The following CALN1 variants were observed in gnomAD, a reference collection of about 807,000 sequenced individuals.
CALN1 encodes the protein calcium-binding protein 8.
CALN1 carries 17 observed loss-of-function variants against 30.6 expected under a neutral mutation model. The observed-to-expected ratio is 0.56, with a 90% CI of 0.38 to 0.83. CALN1 has a LOEUF of 0.83. Ranked by LOEUF, CALN1 falls within the 40% of genes least tolerant of loss-of-function variation. CALN1 has a pLI of 0.00. For missense variants in CALN1, 291 were observed against 354.9 expected (o/e 0.82, Z 1.45); for synonymous variants, 156 against 131.4 (o/e 1.19, Z -1.28).
intron 2 of CALN1, among the ~76,000 whole-genome samples, chr7:72,372,959 T>A (rs769374518): frequency 2.6e-5 from 4 of 151,936 alleles, no homozygotes; most frequent in Non-Finnish European, 4.4e-5. Flanking sequence ...TGGCAAATTA[T>A]CTGGCAAAAA....
At chr7:72,000,113 A>G (rs769778066) in intron 5 of CALN1, among the ~76,000 whole-genome samples, 1 of 152,144 alleles carries the variant, frequency 6.6e-6, no homozygotes, top group Non-Finnish European at 1.5e-5. Flanking sequence ...TATCTCAAGA[A>G]ACTAAAAAAA....
intron 4 of CALN1, among the ~76,000 whole-genome samples, chr7:72,076,324 T>C (rs372499041): frequency 6.8e-6 from 1 of 147,442 alleles, no homozygotes; most frequent in African/African-American, 2.5e-5. Context: ...GCAGGCCAGG[T>C]GCGGTGGCTC....
intron 2 of CALN1, among the ~76,000 whole-genome samples, chr7:72,393,741 GC>G (rs1562943862): frequency 1.7e-5 from 2 of 115,046 alleles, no homozygotes; most frequent in East Asian, 2.7e-4. Context: ...TGACCATAGA[GC>G]TTTTTTTTTT....
chr7:71,828,005 T>C (rs946854739), intron 5 of CALN1, among the ~76,000 whole-genome samples: 1 of 152,050 alleles, frequency 6.6e-6, no homozygotes, highest in African/African-American at 2.4e-5. Context: ...GTTTCCACAA[T>C]GAATATGTAT....
chr7:72,303,042 T>C (rs780482374), intron 2 of CALN1, among the ~76,000 whole-genome samples: 1 of 150,736 alleles, frequency 6.6e-6, no homozygotes, highest in Admixed American at 6.6e-5. Context: ...GATGGTGCCA[T>C]TGCACTCTAA....
At chr7:72,220,814 T>G (rs1477978306) in intron 3 of CALN1, among the ~76,000 whole-genome samples, 4 of 152,250 alleles carry the variant, frequency 2.6e-5, no homozygotes, top group Non-Finnish European at 5.9e-5. Context: ...CATTTTTTCA[T>G]GTGTTTTTTG....
At chr7:72,291,905 C>T (rs543756686) in intron 2 of CALN1, among the ~76,000 whole-genome samples, 230 of 152,100 alleles carry the variant, frequency 1.5e-3, no homozygotes, top group Non-Finnish European at 2.7e-3. Context: ...AGCCACCGAG[C>T]CTGACCATAT....
rs556505029 is a variant in CALN1, at chr7:71,852,900, GGATT to G, written c.502-42412_502-42409del. On this transcript the variant is annotated intron_variant, in intron 5 of 6. Transcript: ENST00000395275. ...CTAGATGTTGAGCACAACCTTTACAGGATTGTTTGTCTTTTACAGTATTGAGTTG... is the reference window on the plus strand; with the variant it reads ...CTAGATGTTGAGCACAACCTTTACAGGTTTGTCTTTTACAGTATTGAGTTG... Among the ~76,000 whole-genome samples the G allele has an allele frequency of 1.8e-3, 278 of 152,214 alleles. 1 individual carries two copies. Among genetic ancestry groups the G allele is most frequent in the African/African-American group, 6.4e-3 (265 of 41,524 alleles).
At chr7:72,385,718 A>C (rs953655602) in intron 2 of CALN1, among the ~76,000 whole-genome samples, 4 of 152,142 alleles carry the variant, frequency 2.6e-5, no homozygotes, top group African/African-American at 9.7e-5. Context: ...TGTTCTTGTG[A>C]TAGTGACTGA....
intron 2 of CALN1, among the ~76,000 whole-genome samples, chr7:72,338,707 G>C (rs1042889773): frequency 6.6e-6 from 1 of 151,734 alleles, no homozygotes; most frequent in African/African-American, 2.4e-5. Flanking sequence ...CATATTTATG[G>C]GGTACATGAG....
chr7:71,958,065 C>CAAAAAAAAAAAAAAAAAAAAAAA (rs56355838), intron 5 of CALN1, among the ~76,000 whole-genome samples: 4 of 93,872 alleles, frequency 4.3e-5, no homozygotes, highest in African/African-American at 1.2e-4. Context: ...AACTCCATCT[C>CAAAAAAAAAAAAAAAAAAAAAAA]AAAAAAAAAA....
intron 5 of CALN1, among the ~76,000 whole-genome samples, chr7:71,939,076 A>C (rs1455249826): frequency 6.6e-6 from 1 of 152,174 alleles, no homozygotes; most frequent in Non-Finnish European, 1.5e-5. Flanking sequence ...ATGTTCTAAT[A>C]AAAGAATAAG....
chr7:72,238,419 A>C (rs1449154450), intron 3 of CALN1, among the ~76,000 whole-genome samples: 2 of 152,110 alleles, frequency 1.3e-5, no homozygotes, highest in African/African-American at 4.8e-5. Flanking sequence ...AATGAGTATA[A>C]TTTATTATTT....
chr7:72,041,236 C>A (rs1341968192), intron 4 of CALN1, among the ~76,000 whole-genome samples: 1 of 151,976 alleles, frequency 6.6e-6, no homozygotes, highest in Non-Finnish European at 1.5e-5. Context: ...CAATCAAGGG[C>A]AGGTGGTTAG....
chr7:72,495,162 T>C, the CALN1 span, among the ~76,000 whole-genome samples: 2 of 152,214 alleles, frequency 1.3e-5, no homozygotes, highest in Non-Finnish European at 2.9e-5. Flanking sequence ...ATTCCATTTT[T>C]CTTCCATTTT....
chr7:72,434,078 C>A (rs1808063040), intron 1 of CALN1, among the ~76,000 whole-genome samples: 1 of 151,340 alleles, frequency 6.6e-6, no homozygotes. Flanking sequence ...AAAAAAAAAA[C>A]TGCATATTGG....
At chr7:71,815,725 TCTTCCTTC>T (rs547687621) in intron 5 of CALN1, among the ~76,000 whole-genome samples, 4 of 150,814 alleles carry the variant, frequency 2.7e-5, no homozygotes, top group Non-Finnish European at 4.4e-5. Flanking sequence ...ATCCTTCCTT[TCTTCCTTC>T]CTTCCTTCCA....
At chr7:71,894,469 G>A (rs2051883) in intron 5 of CALN1, among the ~76,000 whole-genome samples, 40,267 of 152,066 alleles carry the variant, frequency 0.26, 6,382 homozygotes, top group African/African-American at 0.44. Context: ...GTCTCGTTAT[G>A]TTGCCCAGGT....
chr7:72,487,770 AAGAAAGAAAG>A, the CALN1 span, among the ~76,000 whole-genome samples: 2 of 98,962 alleles, frequency 2.0e-5, no homozygotes, highest in South Asian at 3.2e-4. Context: ...AGGGTAAAGA[AAGAAAGAAAG>A]AGAAAGAAAG....
Sources: gnomAD v4.1 joint callset for allele counts (sites outside exome capture counted in the v4.1 genomes callset) on GRCh38, gnomAD v4.1.1 for gene constraint, MANE v1.5 for transcripts, NCBI Gene and HGNC (gene_info 2026-07-23, HGNC 2026-07-21) for gene names.